The following NRXN1 variants were observed in gnomAD, a reference collection of about 807,000 sequenced individuals.
The protein encoded by NRXN1 is neurexin-1.
NRXN1 carries 39 observed loss-of-function variants against 150.9 expected under a neutral mutation model. The ratio of observed to expected loss-of-function variants is 0.26; its 90% CI spans 0.20 to 0.34. The LOEUF is 0.34. Ranked by LOEUF, NRXN1 falls within the 10% of genes least tolerant of loss-of-function variation. The pLI is 1.00. For missense variants in NRXN1, 1,815 were observed against 1,949.9 expected, an observed-to-expected ratio of 0.93 and a Z score of 1.30; for synonymous variants, 924 against 757.0, an observed-to-expected ratio of 1.22 and a Z score of -3.62.
intron 17 of NRXN1, among the ~76,000 whole-genome samples, chr2:50,368,401 A>G (rs1428798774): frequency 6.6e-6 from 1 of 152,042 alleles, no homozygotes; most frequent in East Asian, 1.9e-4. Context: ...TATAGTTGTT[A>G]TTACAAAAAA....
intron 17 of NRXN1, among the ~76,000 whole-genome samples, chr2:50,375,243 C>T (rs952599071): frequency 6.6e-5 from 10 of 151,838 alleles, no homozygotes; most frequent in African/African-American, 2.4e-4. Context: ...TTATTCATAC[C>T]AGGCTTAGCT....
chr2:50,788,812 T>C (rs1391931210), intron 5 of NRXN1, among the ~76,000 whole-genome samples: 1 of 152,150 alleles, frequency 6.6e-6, no homozygotes, highest in Non-Finnish European at 1.5e-5. Context: ...GATTACAATG[T>C]CAAAGGGTAA....
At chr2:50,510,145 C>A (rs1389227450) in intron 12 of NRXN1, among the ~76,000 whole-genome samples, 2 of 152,084 alleles carry the variant, frequency 1.3e-5, no homozygotes, top group African/African-American at 4.8e-5. Flanking sequence ...TCTGTTGTAA[C>A]AGCCCAAGAA....
chr2:50,644,107 A>G (rs1432996511), intron 5 of NRXN1, among the ~76,000 whole-genome samples: 1 of 151,458 alleles, frequency 6.6e-6, no homozygotes, highest in African/African-American at 2.4e-5. Flanking sequence ...TAAAACCAGT[A>G]TTTTTTAACG....
At chr2:49,941,864 G>A (rs113575049) in intron 22 of NRXN1, among the ~76,000 whole-genome samples, 3 of 152,070 alleles carry the variant, frequency 2.0e-5, no homozygotes, top group African/African-American at 7.2e-5. Flanking sequence ...AGAATGTCCT[G>A]GTGCAAAAGA....
intron 5 of NRXN1, among the ~76,000 whole-genome samples, chr2:50,839,680 A>G (rs1406764514): frequency 6.6e-6 from 1 of 152,182 alleles, no homozygotes; most frequent in Non-Finnish European, 1.5e-5. Context: ...ACTATGAGCT[A>G]GACAGTCCTC....
rs111394182 is a variant in NRXN1 at position 50,455,855 on chromosome 2, A to G, written c.3364+9587T>C. On this transcript the variant is annotated intron_variant, in intron 17 of 22. Coordinates refer to ENST00000401669, the MANE Select transcript of NRXN1 (RefSeq NM_001330078.2). Reference sequence around the variant, plus strand: ...GGCTGGGATATTTAGACATTATGTCATCACTTGGAGAAGCTTTGCAAGCAA... The same window carrying G: ...GGCTGGGATATTTAGACATTATGTCGTCACTTGGAGAAGCTTTGCAAGCAA... 5.1e-3 allele frequency among the ~76,000 whole-genome samples: 775 copies of G among 152,302 alleles called. 6 individuals carry two copies. Among genetic ancestry groups the G allele is most frequent in the African/African-American group, 0.018 (736 of 41,586 alleles).
At chr2:50,516,359 T>G (rs1007350910) in intron 12 of NRXN1, among the ~76,000 whole-genome samples, 1 of 152,184 alleles carries the variant, frequency 6.6e-6, no homozygotes, top group African/African-American at 2.4e-5. Context: ...CCAGTTCTTT[T>G]TAGGAGTATA....
intron 8 of NRXN1, among the ~76,000 whole-genome samples, chr2:50,570,293 A>T (rs1220200153): frequency 6.6e-6 from 1 of 152,160 alleles, no homozygotes. Flanking sequence ...AGAGAAATCC[A>T]GTGGAAGTAA....
intron 5 of NRXN1, among the ~76,000 whole-genome samples, chr2:50,894,022 T>C (rs1355212775): frequency 1.3e-5 from 2 of 151,954 alleles, no homozygotes; most frequent in African/African-American, 4.8e-5. Flanking sequence ...TTTGGGTTGG[T>C]TCCAAGTCTT....
At chr2:50,605,240 T>A (rs1676900477) in intron 8 of NRXN1, among the ~76,000 whole-genome samples, 1 of 152,250 alleles carries the variant, frequency 6.6e-6, no homozygotes, top group Non-Finnish European at 1.5e-5. Flanking sequence ...TACATTTTAT[T>A]ATTGAATTAA....
At chr2:50,061,734 T>C (rs1694566999) in intron 19 of NRXN1, among the ~76,000 whole-genome samples, 1 of 152,200 alleles carries the variant, frequency 6.6e-6, no homozygotes, top group African/African-American at 2.4e-5. Context: ...TCTCACACTT[T>C]TCCCATGATA....
At chr2:50,514,851 C>A (rs1301048487) in intron 12 of NRXN1, among the ~76,000 whole-genome samples, 1 of 152,158 alleles carries the variant, frequency 6.6e-6, no homozygotes, top group African/African-American at 2.4e-5. Flanking sequence ...TGCGAGGAAA[C>A]CTGAGTTTTA....
intron 5 of NRXN1, among the ~76,000 whole-genome samples, chr2:50,635,403 G>A (rs1018854876): frequency 1.3e-5 from 2 of 150,106 alleles, no homozygotes; most frequent in Non-Finnish European, 3.0e-5. Flanking sequence ...CTGAGCTCCC[G>A]ACCTTGTGAT....
chr2:50,617,958 G>A (rs1241386842), intron 8 of NRXN1, among the ~76,000 whole-genome samples: 1 of 152,148 alleles, frequency 6.6e-6, no homozygotes, highest in Non-Finnish European at 1.5e-5. Context: ...AAGATTATGT[G>A]TCTCAGCTGA....
rs775103836 is a variant in NRXN1 at position 51,027,916 on chromosome 2, G to A, written c.358C>T (p.Arg120Cys). Residue 120 changes from arginine (R) to cysteine (C), a missense_variant, in exon 2 of 23, where the codon CGC becomes TGC. Arg to Cys is a radical substitution (Grantham distance 180). Around this residue, in one of 6 missense-constraint regions of NRXN1, gnomAD observed 554 missense variants for 478.8 expected, o/e 1.16. Transcript: ENST00000401669. ...NDGAWHSVRI[R>C]RQFRNTTLFI... is the part of the protein sequence containing the mutation. ...AGCGTGGTGTTGCGGAACTGGCGGC[G>A]GATGCGCACGCTGTGCCAGGCGCCG... The A allele has an allele frequency of 2.5e-6, 4 of 1,607,642 alleles. No individual in the cohort carries two copies. Among genetic ancestry groups the A allele is most frequent in the Admixed American group, 1.7e-5 (1 of 60,008 alleles).
intron 9 of NRXN1, chr2:50,548,094 G>C (rs1190604238): frequency 6.6e-6 from 1 of 152,044 alleles, no homozygotes; most frequent in Non-Finnish European, 1.5e-5. Flanking sequence ...GAACCAAAGG[G>C]AAGGCCACCA....
chr2:50,607,918 G>T (rs1293617826), intron 8 of NRXN1, among the ~76,000 whole-genome samples: 1 of 151,814 alleles, frequency 6.6e-6, no homozygotes, highest in Non-Finnish European at 1.5e-5. Flanking sequence ...GGATTGTTAG[G>T]GGATTATCCC....
At chr2:50,286,419 T>C (rs775004678) in intron 17 of NRXN1, among the ~76,000 whole-genome samples, 10 of 152,164 alleles carry the variant, frequency 6.6e-5, no homozygotes, top group Non-Finnish European at 1.5e-4. Context: ...TCAATTCACA[T>C]AATGTCCCCC....
Sources: gnomAD v4.1 joint callset for allele counts (sites outside exome capture counted in the v4.1 genomes callset) on GRCh38, gnomAD v4.1.1 for gene constraint, gnomAD v4.1.1 regional missense constraint, MANE v1.5 for transcripts, NCBI Gene and HGNC (gene_info 2026-07-23, HGNC 2026-07-21) for gene names.